FUOM: variants seen among roughly 807,000 people sequenced by gnomAD.
FUOM encodes the protein protein fucU homolog.
Under a neutral mutation model 18.3 loss-of-function variants are expected in FUOM, and 19 were observed. The observed-to-expected ratio is 1.04, with a 90% CI of 0.73 to 1.53. FUOM has a LOEUF of 1.53. Ranked by LOEUF, FUOM falls within the 40% of genes most tolerant of loss-of-function variation. The pLI is 0.00. For missense variants in FUOM, 210 were observed against 200.9 expected, an observed-to-expected ratio of 1.04 and a Z score of -0.27; for synonymous variants, 102 against 87.9, an observed-to-expected ratio of 1.16 and a Z score of -0.90.
Position 133,357,220 on chromosome 10 carries a change from A to G in FUOM, c.121T>C (p.Cys41Arg). ...CGGATCTCCATGGGCCCACACTGGC[A>G]GATGGAGGAGGCCGGGAAGTTCAAG... ...ADLNFPASSI[C>R]QCGPMEIRAD... The change falls in exon 2 of 6, where the codon TGC becomes CGC. Residue 41 changes from cysteine to arginine, a missense_variant. Physicochemically the swap from Cys to Arg is radical, Grantham distance 180 (BLOSUM62 -3). Coordinates refer to ENST00000278025, the MANE Select transcript of FUOM (RefSeq NM_001098483.3). 5 of 1,583,172 alleles carry G rather than the reference A, an allele frequency of 3.2e-6. No individual in the cohort carries two copies. Among genetic ancestry groups the G allele is most frequent in the Non-Finnish European group, 4.3e-6 (5 of 1,165,842 alleles).
chr10:133,356,811 C>G, intron 3 of FUOM, 73 bp from the exon 4 acceptor site: 1 of 1,455,264 alleles, frequency 6.9e-7, no homozygotes, highest in Non-Finnish European at 9.3e-7. Flanking sequence ...TCGGGACTCC[C>G]CTGGTGAGGG....
At chr10:133,356,196 C>G (rs1158609569) in intron 4 of FUOM, among the ~76,000 whole-genome samples, 1 of 152,234 alleles carries the variant, frequency 6.6e-6, no homozygotes, top group African/African-American at 2.4e-5. Context: ...GGGCCTGTCC[C>G]CTTGCAGGGC....
intron 2 of FUOM, 54 bp from the exon 3 acceptor site, chr10:133,357,067 G>A: frequency 6.5e-7 from 1 of 1,541,604 alleles, no homozygotes; most frequent in South Asian, 1.2e-5. Context: ...CCGCCTGCCT[G>A]TCTGCACCCT....
At chr10:133,355,153 T>C, downstream of FUOM, 1 of 603,120 alleles carries the variant, frequency 1.7e-6, no homozygotes, top group Non-Finnish European at 2.9e-6. Flanking sequence ...AGAACAGAGC[T>C]GGAATTGGAC....
rs373561004 is a variant in FUOM at position 133,356,873 on chromosome 10, C to A, written c.225+70G>T. 529 of 1,502,094 alleles carry A rather than the reference C, an allele frequency of 3.5e-4. 2 individuals carry two copies. The highest frequency in any genetic ancestry group is 2.8e-3 in the South Asian group (230 of 82,042). 93.0% of individuals were successfully genotyped at this position (1,502,094 alleles called of 1,614,324 possible). ...TTCCCCCCACTCCAAGGCAGGTGGG[C>A]CCTATGAAGCCCGCAAAAGGGGAAA... On this transcript the variant is annotated intron_variant, in intron 3 of 5. Coordinates refer to ENST00000278025, the MANE Select transcript of FUOM (RefSeq NM_001098483.3).
chr10:133,357,646 A>C, intron 1 of FUOM: 1 of 492,222 alleles, frequency 2.0e-6, no homozygotes, highest in Non-Finnish European at 3.6e-6. Flanking sequence ...GGAGAAGAAA[A>C]AGCGCCGAAC....
At chr10:133,357,309 G>C (rs1848840685) in intron 1 of FUOM, 54 bp from the exon 2 acceptor site, 2 of 1,515,880 alleles carry the variant, frequency 1.3e-6, no homozygotes, top group South Asian at 1.2e-5. Flanking sequence ...CCTCGGGGTC[G>C]GCGCCGCCCG....
downstream of FUOM, among the ~76,000 whole-genome samples, chr10:133,353,695 C>A (rs1386947283): frequency 1.3e-5 from 2 of 152,186 alleles, no homozygotes; most frequent in East Asian, 1.9e-4. Flanking sequence ...AGAGCTGTTA[C>A]CCTGGCTTAT....
At chr10:133,356,210 G>A (rs917301860) in intron 4 of FUOM, among the ~76,000 whole-genome samples, 4 of 152,234 alleles carry the variant, frequency 2.6e-5, no homozygotes, top group Non-Finnish European at 4.4e-5. Context: ...GCAGGGCAAG[G>A]TGTGGAGAGG....
At chr10:133,353,154 A>G (rs1848710343), downstream of FUOM, among the ~76,000 whole-genome samples, 1 of 152,192 alleles carries the variant, frequency 6.6e-6, no homozygotes, top group South Asian at 2.1e-4. Context: ...CCTGGGGCTC[A>G]GGGCCCAGCT....
Position 133,357,935 on chromosome 10 carries a change from C to T in FUOM, c.73G>A (p.Gly25Arg), listed in dbSNP as rs1163806933. The T allele has an allele frequency of 6.6e-7, 1 of 1,525,516 alleles. No homozygotes were observed. The highest frequency in any genetic ancestry group is 8.8e-7 in the Non-Finnish European group (1 of 1,140,030). 94.5% of individuals were successfully genotyped at this position (1,525,516 alleles called of 1,614,324 possible). A position where few individuals can be genotyped will look rare whatever the true frequency, so the allele number is the denominator to read the frequency against. ...CCGCTGCGCTCACCGATCTCGTCCC[C>T]GTGCCCCATCCGCGCCAGCGCGTAG... Reference protein sequence around the residue: ...LLYALARMGHGDEIVLADLNF... With the variant: ...LLYALARMGHRDEIVLADLNF... Residue 25 changes from glycine (G) to arginine (R), a missense_variant, in exon 1 of 6, where the codon GGG becomes AGG. Transcript: ENST00000278025.
downstream of FUOM, among the ~76,000 whole-genome samples, chr10:133,353,057 G>T (rs1848708778): frequency 6.6e-6 from 1 of 152,176 alleles, no homozygotes; most frequent in African/African-American, 2.4e-5. Flanking sequence ...GGCACCCTGG[G>T]ACCAGTCTCA....
intron 4 of FUOM, 120 bp from the exon 5 acceptor site, chr10:133,355,931 G>T: frequency 1.2e-6 from 1 of 851,176 alleles, no homozygotes; most frequent in Non-Finnish European, 2.0e-6. Flanking sequence ...CATTTCTTGG[G>T]CTCTCCCCCG....
chr10:133,354,581 A>G (rs77439073), downstream of FUOM, among the ~76,000 whole-genome samples: 1,085 of 152,156 alleles, frequency 7.1e-3, 20 homozygotes, highest in African/African-American at 0.025. Context: ...CTGGGGAGCA[A>G]GACGAGGGTC....
chr10:133,357,306 G>A (rs1158660916), intron 1 of FUOM, 51 bp from the exon 2 acceptor site: 1 of 1,527,118 alleles, frequency 6.5e-7, no homozygotes, highest in Non-Finnish European at 8.9e-7. Flanking sequence ...TGCCCTCGGG[G>A]TCGGCGCCGC....
chr10:133,357,525 G>A, intron 1 of FUOM: 1 of 541,752 alleles, frequency 1.8e-6, no homozygotes. Flanking sequence ...CAGGCCAGGG[G>A]GCCGACCCGG....
At position 133,355,429 on chromosome 10, in the gene FUOM, C is replaced by T. The variant is rs1370490080; in HGVS notation, c.406G>A (p.Ala136Thr). The change falls in exon 6 of 6, where the codon GCC becomes ACC. Residue 136 changes from alanine to threonine, a missense_variant. Coordinates refer to ENST00000278025, the MANE Select transcript of FUOM (RefSeq NM_001098483.3). Reference sequence around the variant, plus strand: ...CTGAGGATGAGGTTTCCGTAGAGGGCCGTCTCCCTGCAGAGGAGCCAAGCC... The same window carrying T: ...CTGAGGATGAGGTTTCCGTAGAGGGTCGTCTCCCTGCAGAGGAGCCAAGCC... ...AFAVVATGET[A>T]LYGNLILRKG... 6.2e-7 allele frequency: 1 copy of T among 1,609,812 alleles called. No homozygotes were observed. Among genetic ancestry groups the T allele is most frequent in the Non-Finnish European group, 8.5e-7 (1 of 1,179,050 alleles).
chr10:133,356,565 T>C, intron 4 of FUOM, 75 bp downstream of exon 4: 3 of 1,206,038 alleles, frequency 2.5e-6, no homozygotes, highest in Non-Finnish European at 3.4e-6. Context: ...GGACCCTCTG[T>C]CTTTGGCTCC....
At chr10:133,355,856 C>A (rs777941957) in intron 4 of FUOM, 45 bp from the exon 5 acceptor site, 7 of 1,508,742 alleles carry the variant, frequency 4.6e-6, no homozygotes, top group East Asian at 2.3e-5. Flanking sequence ...TGCCAAGAAA[C>A]CCTCATGGGC....
Sources: gnomAD v4.1 joint callset for allele counts (sites outside exome capture counted in the v4.1 genomes callset) on GRCh38, gnomAD v4.1.1 for gene constraint, MANE v1.5 for transcripts, NCBI Gene and HGNC (gene_info 2026-07-23, HGNC 2026-07-21) for gene names.